The following HLCS variants were observed in gnomAD, a reference collection of about 807,000 sequenced individuals.
The protein encoded by HLCS is holocarboxylase synthetase.
Under a neutral mutation model 75.0 loss-of-function variants are expected in HLCS, and 53 were observed. That is an observed-to-expected ratio of 0.71 (90% CI 0.57 to 0.89). The LOEUF (loss-of-function observed/expected upper bound fraction) is 0.89. Ranked by LOEUF, HLCS falls within the 40% of genes least tolerant of loss-of-function variation. HLCS has a pLI of 0.00. For missense variants in HLCS, 966 were observed against 1,074.0 expected, an observed-to-expected ratio of 0.90 and a Z score of 1.41; for synonymous variants, 431 against 428.6, an observed-to-expected ratio of 1.01 and a Z score of -0.07.
chr21:36,910,382 T>C (rs1736324391), intron 5 of HLCS, among the ~76,000 whole-genome samples: 2 of 151,902 alleles, frequency 1.3e-5, no homozygotes, highest in Admixed American at 6.6e-5. Context: ...CCATCTCTAC[T>C]AAAAAATACA....
chr21:36,791,458 A>G (rs977983471), intron 6 of HLCS, among the ~76,000 whole-genome samples: 3 of 152,266 alleles, frequency 2.0e-5, no homozygotes, highest in Non-Finnish European at 4.4e-5. Flanking sequence ...CAATACATCA[A>G]ACATAAAAAG....
At chr21:36,766,369 G>C (rs2090033403) in intron 7 of HLCS, among the ~76,000 whole-genome samples, 1 of 151,834 alleles carries the variant, frequency 6.6e-6, no homozygotes, top group South Asian at 2.1e-4. Context: ...ATCCAAATGA[G>C]AGGTAGAGTT....
At chr21:36,807,976 C>G (rs1335056446) in intron 6 of HLCS, among the ~76,000 whole-genome samples, 1 of 151,954 alleles carries the variant, frequency 6.6e-6, no homozygotes, top group Non-Finnish European at 1.5e-5. Flanking sequence ...CACTACCGTG[C>G]CACTTTAGGA....
At chr21:36,883,792 T>A (rs2064329535) in intron 6 of HLCS, among the ~76,000 whole-genome samples, 1 of 152,152 alleles carries the variant, frequency 6.6e-6, no homozygotes. Context: ...TGCTCTGACC[T>A]TCCCCACATG....
intron 5 of HLCS, among the ~76,000 whole-genome samples, chr21:36,902,487 C>A (rs891300074): frequency 2.0e-5 from 3 of 152,186 alleles, no homozygotes; most frequent in African/African-American, 7.2e-5. Flanking sequence ...TTGGCCCTTG[C>A]CGGTTGCACA....
intron 6 of HLCS, among the ~76,000 whole-genome samples, chr21:36,881,729 C>T (rs1042534713): frequency 1.3e-5 from 2 of 152,196 alleles, no homozygotes; most frequent in Admixed American, 6.5e-5. Flanking sequence ...CCTCAGTGTC[C>T]GTGTTGGAAG....
In HLCS at chr21:36,911,293, G is replaced by A. The variant is rs1194394054; in HGVS notation, c.1621-14162C>T. Among the ~76,000 whole-genome samples the A allele has an allele frequency of 2.6e-5, 4 of 152,022 alleles. 1 individual carries two copies. The highest frequency in any genetic ancestry group is 4.2e-4 in the South Asian group (2 of 4,814). ...CTGGCCTCTGGGTTAGAGACCACTC[G>A]TCTCAGCCCCAGCAGCAAGCCTGGA... On this transcript the variant is annotated intron_variant, in intron 5 of 10. Transcript: ENST00000674895.
chr21:36,843,167 G>T (rs549894497), intron 6 of HLCS, among the ~76,000 whole-genome samples: 48 of 152,334 alleles, frequency 3.2e-4, no homozygotes, highest in African/African-American at 1.1e-3. Context: ...TAGAAAGAAT[G>T]GTGGCTCACA....
chr21:36,759,848 G>A lies in HLCS; in HGVS notation c.2122-7C>T, dbSNP rs1295501946. The A allele has an allele frequency of 6.5e-7, 1 of 1,546,042 alleles. No homozygotes were observed. The highest frequency in any genetic ancestry group is 1.1e-5 in the South Asian group (1 of 89,806). On this transcript the variant is annotated splice_polypyrimidine_tract_variant and splice_region_variant and intron_variant, in intron 8 of 10. Coordinates refer to ENST00000674895, the MANE Select transcript of HLCS (RefSeq NM_001352514.2). ...TCACTCGTAAGTTGATATCCTAAAG[G>A]GAAATCTGCACATTAATTAAGCCGT...
chr21:36,776,617 G>A (rs773478364), intron 6 of HLCS, among the ~76,000 whole-genome samples: 4 of 152,026 alleles, frequency 2.6e-5, no homozygotes, highest in Admixed American at 6.6e-5. Context: ...GTTTCACCAC[G>A]TTGGTTGGGC....
chr21:36,775,725 G>A (rs1250933256), intron 6 of HLCS, among the ~76,000 whole-genome samples: 1 of 152,188 alleles, frequency 6.6e-6, no homozygotes. Flanking sequence ...GGTGTGGAGC[G>A]GCTCTTGGTG....
chr21:36,808,370 C>T (rs957367807), intron 6 of HLCS, among the ~76,000 whole-genome samples: 2 of 152,118 alleles, frequency 1.3e-5, no homozygotes, highest in Non-Finnish European at 2.9e-5. Flanking sequence ...AAATTTTTTT[C>T]CTCTGTTCCC....
chr21:36,813,873 G>T (rs1357481041), intron 6 of HLCS, among the ~76,000 whole-genome samples: 1 of 152,054 alleles, frequency 6.6e-6, no homozygotes, highest in Non-Finnish European at 1.5e-5. Flanking sequence ...CATCAAATAA[G>T]AAAACTTAAT....
chr21:36,901,436 G>T (rs1023692718), intron 5 of HLCS, among the ~76,000 whole-genome samples: 1 of 152,190 alleles, frequency 6.6e-6, no homozygotes, highest in African/African-American at 2.4e-5. Context: ...TTAAAAAGAG[G>T]ATGCAAAGTA....
chr21:36,983,804 T>G (rs2069175629), intron 1 of HLCS, among the ~76,000 whole-genome samples: 1 of 150,724 alleles, frequency 6.6e-6, no homozygotes, highest in South Asian at 2.1e-4. Context: ...GTCACTGCAC[T>G]CAAGCCTGGG....
chr21:36,929,830 G>A (rs1487132949), intron 5 of HLCS, among the ~76,000 whole-genome samples: 2 of 152,232 alleles, frequency 1.3e-5, no homozygotes, highest in East Asian at 1.9e-4. Flanking sequence ...TGTCAGACAC[G>A]ACTCACAGAC....
intron 6 of HLCS, among the ~76,000 whole-genome samples, chr21:36,795,201 C>T (rs1414840204): frequency 6.6e-6 from 1 of 152,140 alleles, no homozygotes. Context: ...TTCTTTTTAG[C>T]AAACACGAAG....
intron 6 of HLCS, among the ~76,000 whole-genome samples, chr21:36,836,068 T>G (rs1019144930): frequency 6.6e-6 from 1 of 152,036 alleles, no homozygotes; most frequent in Non-Finnish European, 1.5e-5. Context: ...CGTCCGAACC[T>G]TCATTCTTAT....
At chr21:36,862,304 T>C (rs1205897420) in intron 6 of HLCS, among the ~76,000 whole-genome samples, 1 of 152,212 alleles carries the variant, frequency 6.6e-6, no homozygotes, top group Non-Finnish European at 1.5e-5. Context: ...CTTGGGTAGG[T>C]GTCTAGGAGC....
Sources: allele counts gnomAD v4.1 joint callset (sites outside exome capture counted in the v4.1 genomes callset), GRCh38; gene constraint gnomAD v4.1.1; transcripts MANE v1.5; gene names NCBI Gene and HGNC (gene_info 2026-07-23, HGNC 2026-07-21).